SH3GLB1: variants seen among roughly 807,000 people sequenced by gnomAD.
SH3GLB1 encodes the protein SH3 domain containing GRB2 like, endophilin B1, also known as endophilin-B1.
SH3GLB1 carries 17 observed loss-of-function variants against 42.0 expected under a neutral mutation model. The ratio of observed to expected loss-of-function variants is 0.40; its 90% CI spans 0.28 to 0.61. The LOEUF (loss-of-function observed/expected upper bound fraction) is 0.61. Among genes scored for constraint, SH3GLB1 ranks in the 20% least tolerant of loss-of-function variants. SH3GLB1 has a pLI of 0.36. For synonymous variants in SH3GLB1, 132 were observed against 146.6 expected, an observed-to-expected ratio of 0.90 and a Z score of 0.72; for missense variants, 355 against 426.3, an observed-to-expected ratio of 0.83 and a Z score of 1.47.
intron 3 of SH3GLB1, among the ~76,000 whole-genome samples, chr1:86,721,172 G>C (rs1654838762): frequency 6.6e-6 from 1 of 152,018 alleles, no homozygotes; most frequent in Non-Finnish European, 1.5e-5. Flanking sequence ...AATGTACCCT[G>C]GTTATTAGAA....
chr1:86,712,450 A>G (rs1398201262), intron 1 of SH3GLB1, among the ~76,000 whole-genome samples: 1 of 152,228 alleles, frequency 6.6e-6, no homozygotes, highest in African/African-American at 2.4e-5. Context: ...TTGAATCCCA[A>G]CAATGACACC....
rs761646439 is a variant in SH3GLB1 at position 86,722,511 on chromosome 1, T to G, written c.344-29T>G. 19 of 1,552,198 alleles carry G rather than the reference T, an allele frequency of 1.2e-5. No individual in the cohort carries two copies. The East Asian group carries it at 2.5e-4, about 21-fold the overall frequency. On this transcript the variant is annotated intron_variant, in intron 3 of 8. Transcript: ENST00000370558. ...TTTATTTTCTGGTATTACCAGACAA[T>G]GATTTTTAAAAACATTTTTCCTTTG...
intron 7 of SH3GLB1, among the ~76,000 whole-genome samples, chr1:86,740,202 G>A (rs1368720894): frequency 6.6e-6 from 1 of 151,886 alleles, no homozygotes; most frequent in Non-Finnish European, 1.5e-5. Context: ...CAGTTAAAAG[G>A]AAGCAAGCTC....
chr1:86,722,524 C>G lies in SH3GLB1; in HGVS notation c.344-16C>G. The G allele has an allele frequency of 6.4e-7, 1 of 1,557,478 alleles. No homozygotes were observed. The highest frequency in any genetic ancestry group is 1.4e-5 in the African/African-American group (1 of 71,866). ...ATTACCAGACAATGATTTTTAAAAACATTTTTCCTTTGCAGGTAATGCCCT... is the reference window on the plus strand; with the variant it reads ...ATTACCAGACAATGATTTTTAAAAAGATTTTTCCTTTGCAGGTAATGCCCT... On this transcript the variant is annotated splice_polypyrimidine_tract_variant and intron_variant, in intron 3 of 8. Transcript: ENST00000370558.
intron 1 of SH3GLB1, among the ~76,000 whole-genome samples, chr1:86,707,335 A>T (rs1242289655): frequency 6.6e-6 from 1 of 152,206 alleles, no homozygotes; most frequent in Non-Finnish European, 1.5e-5. Flanking sequence ...CAAAGACTGA[A>T]GTTTCAGGGG....
At chr1:86,721,081 G>A (rs1314386109) in intron 3 of SH3GLB1, among the ~76,000 whole-genome samples, 1 of 152,112 alleles carries the variant, frequency 6.6e-6, no homozygotes, top group Admixed American at 6.5e-5. Context: ...TTTTAGCAGA[G>A]CATGAACATT....
intron 7 of SH3GLB1, among the ~76,000 whole-genome samples, chr1:86,739,744 G>C (rs1301738827): frequency 6.6e-6 from 1 of 152,082 alleles, no homozygotes; most frequent in East Asian, 1.9e-4. Context: ...ATGATAATGT[G>C]GGAGGGAAAG....
intron 1 of SH3GLB1, among the ~76,000 whole-genome samples, chr1:86,707,644 A>AT (rs948807467): frequency 0.057 from 6,605 of 116,478 alleles, 485 homozygotes; most frequent in African/African-American, 0.16. Flanking sequence ...TTTACAGGGT[A>AT]TTTTTTTTTT....
At chr1:86,728,032 T>A (rs1655288925) in intron 5 of SH3GLB1, among the ~76,000 whole-genome samples, 1 of 152,060 alleles carries the variant, frequency 6.6e-6, no homozygotes, top group Admixed American at 6.6e-5. Context: ...GAAGGCATCA[T>A]AAATTCATAA....
At chr1:86,724,890 A>ATATATATAT (rs1349915743) in intron 5 of SH3GLB1, among the ~76,000 whole-genome samples, 12 of 102,972 alleles carry the variant, frequency 1.2e-4, no homozygotes, top group East Asian at 2.5e-4. Flanking sequence ...AAAAAAAAAA[A>ATATATATAT]AAATATATAT....
At chr1:86,727,471 T>C (rs1655259317) in intron 5 of SH3GLB1, among the ~76,000 whole-genome samples, 2 of 152,018 alleles carry the variant, frequency 1.3e-5, no homozygotes, top group African/African-American at 2.4e-5. Context: ...CTTTAAAATA[T>C]GAAGTTCTTT....
At position 86,747,878 on chromosome 1, in the gene SH3GLB1, G is replaced by C. The variant is rs11544893; in HGVS notation, c.*4643G>C. 1 of 152,032 alleles carries C rather than the reference G, an allele frequency of 6.6e-6. No homozygotes were observed. Among genetic ancestry groups the C allele is most frequent in the South Asian group, 2.1e-4 (1 of 4,830 alleles). 9.4% of individuals were successfully genotyped at this position (152,032 alleles called of 1,614,324 possible). A position where few individuals can be genotyped will look rare whatever the true frequency, so the allele number is the denominator to read the frequency against. On this transcript the variant is annotated 3_prime_UTR_variant, in exon 9 of 9. Transcript: ENST00000370558. Reference sequence around the variant, plus strand: ...CAAGTCATAGCCCTGTTGGCAAAAAGAAAAAAGATTCAGTGAGAAAGAAAA... The same window carrying C: ...CAAGTCATAGCCCTGTTGGCAAAAACAAAAAAGATTCAGTGAGAAAGAAAA...
intron 1 of SH3GLB1, among the ~76,000 whole-genome samples, chr1:86,712,180 G>A (rs1296555227): frequency 6.6e-6 from 1 of 152,028 alleles, no homozygotes; most frequent in East Asian, 1.9e-4. Flanking sequence ...CTTATTGTGT[G>A]TCTTCCTCCC....
At chr1:86,713,479 T>A (rs1173301236) in intron 1 of SH3GLB1, among the ~76,000 whole-genome samples, 1 of 152,196 alleles carries the variant, frequency 6.6e-6, no homozygotes, top group Non-Finnish European at 1.5e-5. Flanking sequence ...GAAATTAATA[T>A]TTAATATGTG....
intron 1 of SH3GLB1, among the ~76,000 whole-genome samples, chr1:86,707,000 G>A (rs969691536): frequency 1.3e-5 from 2 of 152,176 alleles, no homozygotes; most frequent in African/African-American, 4.8e-5. Context: ...CTGCATGTCT[G>A]ATGTCTGCTT....
intron 5 of SH3GLB1, chr1:86,730,346 T>C: frequency 1.0e-6 from 1 of 985,398 alleles, no homozygotes; most frequent in African/African-American, 1.7e-5. Context: ...CTTGGATACC[T>C]GTTATACTAA....
intron 2 of SH3GLB1, among the ~76,000 whole-genome samples, chr1:86,716,575 G>A (rs749641067): frequency 2.0e-5 from 3 of 152,058 alleles, no homozygotes; most frequent in Admixed American, 6.6e-5. Flanking sequence ...AAGCCACTGC[G>A]CCCCGCCTAT....
intron 5 of SH3GLB1, among the ~76,000 whole-genome samples, chr1:86,725,504 A>T (rs1387091534): frequency 2.0e-5 from 3 of 152,206 alleles, no homozygotes; most frequent in Non-Finnish European, 4.4e-5. Context: ...TTTGAATTGG[A>T]ATAACTTTAA....
At chr1:86,722,914 A>G (rs1033501060) in intron 4 of SH3GLB1, among the ~76,000 whole-genome samples, 28 of 152,204 alleles carry the variant, frequency 1.8e-4, no homozygotes, top group African/African-American at 6.5e-4. Flanking sequence ...ATTCATTACC[A>G]ACGCTAAAAT....
Sources: allele counts gnomAD v4.1 joint callset (sites outside exome capture counted in the v4.1 genomes callset), GRCh38; gene constraint gnomAD v4.1.1; transcripts MANE v1.5; gene names NCBI Gene and HGNC (gene_info 2026-07-23, HGNC 2026-07-21).